The following ZMYM2 variants were observed in gnomAD, a reference collection of about 807,000 sequenced individuals.
ZMYM2 encodes zinc finger MYM-type containing 2.
In ZMYM2, 56 loss-of-function variants were observed where a neutral mutation model predicts 162.8. The observed-to-expected ratio is 0.34, with a 90% CI of 0.28 to 0.43. The LOEUF is 0.43. Among genes scored for constraint, ZMYM2 ranks in the 20% least tolerant of loss-of-function variants. The pLI, the probability that ZMYM2 is intolerant of heterozygous loss-of-function variation, is 1.00. For synonymous variants in ZMYM2, 510 were observed against 541.6 expected (o/e 0.94, Z 0.81); for missense variants, 1,275 against 1,621.8 (o/e 0.79, Z 3.67).
In ZMYM2 at chr13:20,086,255, G is replaced by C. The variant is rs1165692857; in HGVS notation, c.*241G>C. 3 of 318,028 alleles carry C rather than the reference G, an allele frequency of 9.4e-6. No individual in the cohort carries two copies. The highest frequency in any genetic ancestry group is 4.7e-5 in the East Asian group (1 of 21,194). The allele number at this position is 318,028 out of a possible 1,614,324, so 19.7% of individuals were successfully genotyped here. A position where few individuals can be genotyped will look rare whatever the true frequency, so the allele number is the denominator to read the frequency against. ...TTTTTTATTATTATTTATTTGATTA[G>C]GTATGTTTGTAACTTTTTACATTAC... On this transcript the variant is annotated 3_prime_UTR_variant, in exon 25 of 25. Coordinates refer to ENST00000610343, the MANE Select transcript of ZMYM2 (RefSeq NM_197968.4).
chr13:20,051,833 TGAG>T (rs1387639778), intron 13 of ZMYM2, among the ~76,000 whole-genome samples: 5 of 152,024 alleles, frequency 3.3e-5, no homozygotes, highest in Non-Finnish European at 7.4e-5. Flanking sequence ...TAGTTGAGAG[TGAG>T]GAGAAGCTAA....
At chr13:20,042,588 A>T (rs1411845789) in intron 12 of ZMYM2, among the ~76,000 whole-genome samples, 1 of 152,102 alleles carries the variant, frequency 6.6e-6, no homozygotes, top group South Asian at 2.1e-4. Flanking sequence ...CTGGAGAGGT[A>T]GTACAGTTAT....
the ZMYM2 span, among the ~76,000 whole-genome samples, chr13:19,917,005 C>T: frequency 2.0e-5 from 3 of 152,098 alleles, no homozygotes; most frequent in South Asian, 6.2e-4. Context: ...CTCTGTCGCC[C>T]AGGTTGGAGT....
chr13:20,044,181 C>T (rs1383976474), intron 12 of ZMYM2, among the ~76,000 whole-genome samples: 1 of 152,194 alleles, frequency 6.6e-6, no homozygotes, highest in African/African-American at 2.4e-5. Flanking sequence ...ACAGAGGCCC[C>T]TGCACCAAAC....
chr13:19,919,833 C>A, the ZMYM2 span, among the ~76,000 whole-genome samples: 2 of 151,826 alleles, frequency 1.3e-5, no homozygotes, highest in Non-Finnish European at 2.9e-5. Flanking sequence ...ATGCACCACA[C>A]CTGGCCGATT....
chr13:20,015,774 C>T (rs1268010164), intron 6 of ZMYM2, among the ~76,000 whole-genome samples: 1 of 151,876 alleles, frequency 6.6e-6, no homozygotes, highest in Non-Finnish European at 1.5e-5. Flanking sequence ...GCTCTTTTTG[C>T]CTTATATTAA....
intron 7 of ZMYM2, among the ~76,000 whole-genome samples, chr13:20,022,501 G>T (rs1432760173): frequency 2.0e-5 from 3 of 152,228 alleles, no homozygotes; most frequent in Admixed American, 6.5e-5. Flanking sequence ...CTCTGTATCT[G>T]TTTAAGTTAA....
intron 23 of ZMYM2, 111 bp from the exon 24 acceptor site, chr13:20,083,545 A>G: frequency 1.2e-6 from 1 of 824,834 alleles, no homozygotes. Context: ...CATAACTTAA[A>G]ACTCCAAGGG....
At chr13:20,067,643 G>A (rs1956780326) in intron 21 of ZMYM2, among the ~76,000 whole-genome samples, 1 of 152,180 alleles carries the variant, frequency 6.6e-6, no homozygotes, top group Admixed American at 6.5e-5. Flanking sequence ...TGATCTACAT[G>A]TAAACAGAAA....
intron 2 of ZMYM2, among the ~76,000 whole-genome samples, chr13:19,964,629 T>C (rs945039816): frequency 6.6e-6 from 1 of 152,176 alleles, no homozygotes; most frequent in African/African-American, 2.4e-5. Context: ...ATCATCTTGT[T>C]TTTGTTTATT....
intron 11 of ZMYM2, among the ~76,000 whole-genome samples, chr13:20,034,862 C>T (rs1223226538): frequency 6.6e-6 from 1 of 152,164 alleles, no homozygotes; most frequent in Non-Finnish European, 1.5e-5. Context: ...GCCAGGGAGA[C>T]ACTGGGTTCT....
chr13:19,981,126 G>T (rs1018887750), intron 2 of ZMYM2, among the ~76,000 whole-genome samples: 1 of 152,064 alleles, frequency 6.6e-6, no homozygotes, highest in South Asian at 2.1e-4. Flanking sequence ...AAAACAATTA[G>T]CTAGGCATGG....
At chr13:19,885,893 G>A in the ZMYM2 span, among the ~76,000 whole-genome samples, 13,063 of 60,198 alleles carry the variant, frequency 0.22, 4,763 homozygotes, top group African/African-American at 0.47. Flanking sequence ...ATATATATGT[G>A]TATACACATA....
chr13:20,067,803 C>G (rs936110839), intron 21 of ZMYM2, among the ~76,000 whole-genome samples: 3 of 152,156 alleles, frequency 2.0e-5, no homozygotes, highest in African/African-American at 7.2e-5. Context: ...ATCCACATGT[C>G]TATGAATTTG....
chr13:19,947,453 T>C, the ZMYM2 span, among the ~76,000 whole-genome samples: 1 of 5,718 alleles, frequency 1.7e-4, no homozygotes. Context: ...TTCTTCGTCT[T>C]TTTTTTTTTT....
the ZMYM2 span, among the ~76,000 whole-genome samples, chr13:19,890,505 T>TAAA: frequency 7.1e-5 from 7 of 98,452 alleles, no homozygotes; most frequent in South Asian, 7.2e-4. Flanking sequence ...AGTGCTTTTG[T>TAAA]AAAAAAAAAA....
chr13:19,991,079 C>CTG (rs56666919), intron 2 of ZMYM2, among the ~76,000 whole-genome samples: 17,339 of 59,660 alleles, frequency 0.29, 2,039 homozygotes, highest in African/African-American at 0.38. Context: ...TATGTATTTT[C>CTG]TGTGTGTGTG....
chr13:20,036,172 T>TA (rs2140362035), intron 11 of ZMYM2, among the ~76,000 whole-genome samples: 1 of 152,250 alleles, frequency 6.6e-6, no homozygotes, highest in East Asian at 1.9e-4. Context: ...TAAGGATATG[T>TA]AAAAATACTT....
chr13:19,969,788 T>C (rs778074255), intron 2 of ZMYM2, among the ~76,000 whole-genome samples: 1 of 152,142 alleles, frequency 6.6e-6, no homozygotes, highest in Non-Finnish European at 1.5e-5. Context: ...TCTGATACTC[T>C]ATGCTCTGTA....
Sources: gnomAD v4.1 joint callset for allele counts (sites outside exome capture counted in the v4.1 genomes callset) on GRCh38, gnomAD v4.1.1 for gene constraint, MANE v1.5 for transcripts, NCBI Gene and HGNC (gene_info 2026-07-23, HGNC 2026-07-21) for gene names.